Variants in ABCC4 observed in about 807,000 individuals in gnomAD.
ABCC4 encodes the protein ATP-binding cassette sub-family C member 4.
A neutral mutation model predicts 168.5 loss-of-function variants in ABCC4; 102 were observed. The observed-to-expected ratio is 0.61, with a 90% CI of 0.52 to 0.71. ABCC4 has a LOEUF of 0.71. Among genes scored for constraint, ABCC4 ranks in the 30% least tolerant of loss-of-function variants. ABCC4 has a pLI of 0.00. For missense variants in ABCC4, 1,402 were observed against 1,605.8 expected (o/e 0.87, Z 2.17); for synonymous variants, 617 against 590.7 (o/e 1.04, Z -0.65).
chr13:95,043,935 A>G (rs950903964), intron 28 of ABCC4, 148 bp from the exon 29 acceptor site: 18 of 636,188 alleles, frequency 2.8e-5, no homozygotes, highest in Non-Finnish European at 4.2e-5. Flanking sequence ...TTTTAGGACA[A>G]TCTTATTCTT....
At chr13:95,137,007 C>T (rs1468927504) in intron 19 of ABCC4, among the ~76,000 whole-genome samples, 1 of 152,200 alleles carries the variant, frequency 6.6e-6, no homozygotes, top group Non-Finnish European at 1.5e-5. Flanking sequence ...GTTTGCTCTG[C>T]AGAGAACTCT....
intron 9 of ABCC4, among the ~76,000 whole-genome samples, chr13:95,188,873 A>T (rs1168396812): frequency 6.6e-6 from 1 of 152,050 alleles, no homozygotes; most frequent in African/African-American, 2.4e-5. Context: ...CTAACTTACT[A>T]AAACAATATA....
chr13:95,177,821 C>T (rs1025251170), intron 12 of ABCC4, 28 bp from the exon 13 acceptor site: 2 of 1,587,202 alleles, frequency 1.3e-6, no homozygotes, highest in East Asian at 2.2e-5. Flanking sequence ...GTATCAGACT[C>T]TCACCCAGGA....
chr13:95,116,678 G>A (rs1405871447), intron 19 of ABCC4, among the ~76,000 whole-genome samples: 6 of 152,122 alleles, frequency 3.9e-5, no homozygotes, highest in Admixed American at 2.0e-4. Flanking sequence ...GCTTAGCATC[G>A]ACTTTATTTC....
intron 20 of ABCC4, among the ~76,000 whole-genome samples, chr13:95,105,713 AT>A (rs1480341341): frequency 5.3e-5 from 8 of 152,144 alleles, no homozygotes; most frequent in Non-Finnish European, 1.2e-4. Context: ...CTGAATTGCA[AT>A]GGGGTAAGTG....
chr13:95,242,058 TG>T (rs2039961420), intron 3 of ABCC4, among the ~76,000 whole-genome samples: 1 of 152,034 alleles, frequency 6.6e-6, no homozygotes. Flanking sequence ...CCGGCATAAG[TG>T]GGTTAAAAAA....
At chr13:95,032,432 G>A (rs2031918158) in intron 30 of ABCC4, among the ~76,000 whole-genome samples, 1 of 152,214 alleles carries the variant, frequency 6.6e-6, no homozygotes, top group African/African-American at 2.4e-5. Flanking sequence ...CTAGGGGCAT[G>A]TTTAATGTAT....
At chr13:95,067,731 T>G (rs1368586893) in intron 25 of ABCC4, among the ~76,000 whole-genome samples, 2 of 152,046 alleles carry the variant, frequency 1.3e-5, no homozygotes, top group African/African-American at 2.4e-5. Flanking sequence ...TATAAGAAAC[T>G]AATATTTTTG....
At chr13:95,099,396 T>C (rs768923011) in intron 20 of ABCC4, among the ~76,000 whole-genome samples, 1 of 152,226 alleles carries the variant, frequency 6.6e-6, no homozygotes, top group Non-Finnish European at 1.5e-5. Context: ...GGAAATGCTC[T>C]ACATCTTGTT....
At position 95,044,254 on chromosome 13, in the gene ABCC4, T is replaced by G; in HGVS notation, c.3629+12A>C. 1 of 1,597,986 alleles carries G rather than the reference T, an allele frequency of 6.3e-7. No individual in the cohort carries two copies. Among genetic ancestry groups the G allele is most frequent in the Non-Finnish European group, 8.5e-7 (1 of 1,172,134 alleles). ...ATGTGGACTCAAGGTTACATGGACCTCAGCTTTATACCTTGGATCCACATT... is the reference window on the plus strand; with the variant it reads ...ATGTGGACTCAAGGTTACATGGACCGCAGCTTTATACCTTGGATCCACATT... On this transcript the variant is annotated intron_variant, in intron 28 of 30. Transcript: ENST00000645237.
intron 1 of ABCC4, among the ~76,000 whole-genome samples, chr13:95,254,579 T>C (rs932661128): frequency 6.6e-6 from 1 of 152,240 alleles, no homozygotes. Context: ...TCTTTCCCCT[T>C]GCCCAGATTT....
At chr13:95,126,858 TTATATATATTTAAGTACACCAAATATA>T (rs1566444005) in intron 19 of ABCC4, among the ~76,000 whole-genome samples, 1 of 146,480 alleles carries the variant, frequency 6.8e-6, no homozygotes, top group African/African-American at 2.5e-5. Context: ...ATATATATAT[TTATATATATTTAAGTACACCAAATATA>T]TATATATATT....
intron 4 of ABCC4, among the ~76,000 whole-genome samples, chr13:95,226,482 A>T (rs548269181): frequency 6.6e-6 from 1 of 152,276 alleles, no homozygotes; most frequent in East Asian, 1.9e-4. Flanking sequence ...TCTAATCTAC[A>T]TTTTCTCCAA....
At chr13:95,145,936 G>A (rs1162240049) in intron 19 of ABCC4, among the ~76,000 whole-genome samples, 1 of 152,052 alleles carries the variant, frequency 6.6e-6, no homozygotes, top group Non-Finnish European at 1.5e-5. Flanking sequence ...AACAGGCCGG[G>A]CACAGTGGCT....
chr13:95,188,449 T>C lies in ABCC4; in HGVS notation c.1353+4A>G, dbSNP rs1001555776. ...ACAAGCTGCCAAAAGCCATTCTAAC[T>C]CACCTTCCCTGCTCCCACGGGGCCG... On this transcript the variant is annotated splice_donor_region_variant and intron_variant, in intron 10 of 30. Transcript: ENST00000645237. The C allele has an allele frequency of 6.2e-7, 1 of 1,613,888 alleles. No individual in the cohort carries two copies. Among genetic ancestry groups the C allele is most frequent in the Admixed American group, 1.7e-5 (1 of 59,986 alleles).
chr13:95,020,582 C>CTGCAT lies in ABCC4; in HGVS notation c.*988_*992dup, dbSNP rs1342654697. On this transcript the variant is annotated 3_prime_UTR_variant, in exon 31 of 31. Transcript: ENST00000645237. ...CCCCTGGATGCATCCTGAGAACGTA[C>CTGCAT]TGCATAATTATAGTCAATGCTTGCA... The CTGCAT allele has an allele frequency of 6.6e-6, 1 of 152,348 alleles. No individual in the cohort carries two copies. The highest frequency in any genetic ancestry group is 6.5e-5 in the Admixed American group (1 of 15,282). 9.4% of individuals were successfully genotyped at this position (152,348 alleles called of 1,614,324 possible).
At chr13:95,111,799 T>C (rs1381376347) in intron 20 of ABCC4, among the ~76,000 whole-genome samples, 2 of 152,224 alleles carry the variant, frequency 1.3e-5, no homozygotes, top group African/African-American at 4.8e-5. Context: ...AGAATTTCCT[T>C]ATCTCAGCGA....
At chr13:95,046,065 T>C (rs899802199) in intron 27 of ABCC4, among the ~76,000 whole-genome samples, 2 of 152,240 alleles carry the variant, frequency 1.3e-5, no homozygotes, top group African/African-American at 4.8e-5. Context: ...GGATGGAATA[T>C]GTCAGCTTAG....
At chr13:95,172,014 A>T (rs997547397) in intron 13 of ABCC4, among the ~76,000 whole-genome samples, 4 of 152,212 alleles carry the variant, frequency 2.6e-5, no homozygotes, top group African/African-American at 9.6e-5. Flanking sequence ...TTAATGATCA[A>T]ATCTGATGGG....
Sources: allele counts gnomAD v4.1 joint callset (sites outside exome capture counted in the v4.1 genomes callset), GRCh38; gene constraint gnomAD v4.1.1; transcripts MANE v1.5; gene names NCBI Gene and HGNC (gene_info 2026-07-23, HGNC 2026-07-21).